Variants in SOX6 observed in about 807,000 individuals in gnomAD.
SOX6 encodes transcription factor SOX-6.
Under a neutral mutation model 97.8 loss-of-function variants are expected in SOX6, and 11 were observed. That is an observed-to-expected ratio of 0.11 (90% CI 0.07 to 0.19). The LOEUF (loss-of-function observed/expected upper bound fraction) is 0.19. SOX6 is among the 10% of genes least tolerant of loss of function. SOX6 has a pLI of 1.00. For missense variants in SOX6, 810 were observed against 1,039.5 expected, an observed-to-expected ratio of 0.78 and a Z score of 3.04; for synonymous variants, 360 against 371.4, an observed-to-expected ratio of 0.97 and a Z score of 0.35.
intron 3 of SOX6, among the ~76,000 whole-genome samples, chr11:16,665,995 T>A (rs1474747218): frequency 1.3e-5 from 2 of 152,168 alleles, no homozygotes; most frequent in African/African-American, 4.8e-5. Flanking sequence ...ACATTACTGC[T>A]ACCTAATGCA....
chr11:16,236,336 G>T (rs954287332), intron 3 of SOX6, among the ~76,000 whole-genome samples: 26 of 151,922 alleles, frequency 1.7e-4, no homozygotes, highest in African/African-American at 6.3e-4. Flanking sequence ...TTATGCTAAA[G>T]TCATAAAAAT....
At chr11:16,595,126 C>T (rs1045648207) in intron 4 of SOX6, among the ~76,000 whole-genome samples, 1 of 151,980 alleles carries the variant, frequency 6.6e-6, no homozygotes, top group African/African-American at 2.4e-5. Flanking sequence ...ATAAATTTCA[C>T]GTCTTTTTCC....
Position 16,356,280 on chromosome 11 carries a change from T to C in SOX6, c.-191A>G, listed in dbSNP as rs1231619900. ...TCTCTGCCAAGTCTCAGGCTACCAA[T>C]TGTAGCCATAACTTTAAGCAACATC... On this transcript the variant is annotated 5_prime_UTR_variant, in exon 1 of 16. Transcript: ENST00000683767. Among the ~76,000 whole-genome samples, 3 of 151,012 alleles carry C rather than the reference T, an allele frequency of 2.0e-5. No homozygotes were observed. Among genetic ancestry groups the C allele is most frequent in the Admixed American group, 6.6e-5 (1 of 15,146 alleles).
At chr11:16,472,488 T>C (rs1008459508) in intron 1 of SOX6, among the ~76,000 whole-genome samples, 11 of 152,174 alleles carry the variant, frequency 7.2e-5, no homozygotes, top group African/African-American at 2.7e-4. Context: ...CACAATACCT[T>C]GCATAAATTA....
chr11:16,304,168 G>A (rs760701519), intron 3 of SOX6, among the ~76,000 whole-genome samples: 37 of 152,010 alleles, frequency 2.4e-4, no homozygotes, highest in African/African-American at 3.1e-4. Context: ...CACCCTCTTC[G>A]GTCTTCCAAA....
chr11:16,696,074 TG>T (rs1848051586), intron 3 of SOX6, among the ~76,000 whole-genome samples: 2 of 152,210 alleles, frequency 1.3e-5, no homozygotes, highest in African/African-American at 2.4e-5. Context: ...GCCATTTAGT[TG>T]TAGTTTACTT....
intron 4 of SOX6, among the ~76,000 whole-genome samples, chr11:16,194,340 A>G (rs1851714119): frequency 6.6e-6 from 1 of 152,226 alleles, no homozygotes; most frequent in African/African-American, 2.4e-5. Flanking sequence ...TTTTCAAAAC[A>G]GCAGAATACT....
intron 3 of SOX6, among the ~76,000 whole-genome samples, chr11:16,303,675 A>G (rs1855333743): frequency 6.6e-6 from 1 of 152,174 alleles, no homozygotes; most frequent in Non-Finnish European, 1.5e-5. Context: ...TGGGATTTTG[A>G]AAGGAACTGC....
At chr11:16,445,121 T>A (rs546657215) in intron 1 of SOX6, among the ~76,000 whole-genome samples, 13 of 152,274 alleles carry the variant, frequency 8.5e-5, no homozygotes, top group South Asian at 6.2e-4. Flanking sequence ...CCCAGAAGAA[T>A]CCTGAATCAA....
chr11:16,582,728 G>T (rs1436852646), intron 4 of SOX6, among the ~76,000 whole-genome samples: 1 of 151,716 alleles, frequency 6.6e-6, no homozygotes, highest in Non-Finnish European at 1.5e-5. Context: ...TAAAATAGTG[G>T]GTTTCTCAGT....
chr11:16,515,370 C>T (rs1447190707), intron 4 of SOX6, among the ~76,000 whole-genome samples: 3 of 148,294 alleles, frequency 2.0e-5, no homozygotes, highest in South Asian at 2.1e-4. Flanking sequence ...TGTTCATGTC[C>T]TTTGCCCACT....
At chr11:16,218,353 A>G (rs1210813336) in intron 4 of SOX6, among the ~76,000 whole-genome samples, 1 of 152,146 alleles carries the variant, frequency 6.6e-6, no homozygotes, top group Admixed American at 6.6e-5. Context: ...TAGTTACAAT[A>G]CAAGCTACTA....
chr11:16,228,395 A>G (rs545625659), intron 4 of SOX6, among the ~76,000 whole-genome samples: 51 of 152,318 alleles, frequency 3.3e-4, no homozygotes, highest in Non-Finnish European at 6.6e-4. Flanking sequence ...TGCCAATTAT[A>G]GCATTCTATC....
chr11:16,201,383 GGAA>G (rs1851932396), intron 4 of SOX6, among the ~76,000 whole-genome samples: 1 of 151,716 alleles, frequency 6.6e-6, no homozygotes, highest in Non-Finnish European at 1.5e-5. Context: ...AAAATTTCCT[GGAA>G]TAAATTTATG....
chr11:16,089,492 A>C (rs1459565500), intron 9 of SOX6, among the ~76,000 whole-genome samples: 1 of 152,128 alleles, frequency 6.6e-6, no homozygotes, highest in African/African-American at 2.4e-5. Flanking sequence ...AATGCCATTT[A>C]AGCTTGGGAA....
intron 3 of SOX6, among the ~76,000 whole-genome samples, chr11:16,678,598 G>C (rs1298425304): frequency 6.6e-6 from 1 of 152,170 alleles, no homozygotes; most frequent in Non-Finnish European, 1.5e-5. Flanking sequence ...ATTGAGACTG[G>C]TTGGACAGTG....
chr11:16,082,241 T>C (rs1409656314), intron 9 of SOX6, among the ~76,000 whole-genome samples: 2 of 152,120 alleles, frequency 1.3e-5, no homozygotes, highest in African/African-American at 2.4e-5. Context: ...GCTAAGTCTG[T>C]TGGGTCTCTT....
chr11:16,175,374 G>T (rs959994576), intron 6 of SOX6, among the ~76,000 whole-genome samples: 6 of 124,760 alleles, frequency 4.8e-5, no homozygotes, highest in African/African-American at 1.5e-4. Context: ...ATTATCTTTA[G>T]GAATTAGGAA....
upstream of SOX6, among the ~76,000 whole-genome samples, chr11:16,359,167 C>G (rs1215777459): frequency 6.6e-6 from 1 of 151,928 alleles, no homozygotes; most frequent in Non-Finnish European, 1.5e-5. Context: ...ACTCACTTAA[C>G]CGGGTCCTCA....
Sources: allele counts gnomAD v4.1 joint callset (sites outside exome capture counted in the v4.1 genomes callset), GRCh38; gene constraint gnomAD v4.1.1; transcripts MANE v1.5; gene names NCBI Gene and HGNC (gene_info 2026-07-23, HGNC 2026-07-21).